IYD: variants seen among roughly 807,000 people sequenced by gnomAD.
IYD encodes the protein iodotyrosine deiodinase 1.
A neutral mutation model predicts 28.4 loss-of-function variants in IYD; 25 were observed. The observed-to-expected ratio is 0.88, with a 90% confidence interval of 0.64 to 1.23. IYD has a LOEUF of 1.23. Among genes scored for constraint, IYD ranks in the 50% most tolerant of loss-of-function variants. The probability of loss-of-function intolerance (pLI) is 0.00; values close to 1 mark genes in which losing one functional copy is unlikely to be tolerated. For synonymous variants in IYD, 140 were observed against 130.8 expected (o/e 1.07, Z -0.48); for missense variants, 352 against 357.9 (o/e 0.98, Z 0.13).
chr6:150,370,443 G>A (rs1777199996), intron 1 of IYD: 2 of 969,908 alleles, frequency 2.1e-6, no homozygotes, highest in East Asian at 1.1e-4. Context: ...GTGAGAGAGT[G>A]TGTGCATGAG....
In IYD at chr6:150,394,086, T is replaced by C. The variant is rs771009161; in HGVS notation, c.531-13T>C. On this transcript the variant is annotated splice_polypyrimidine_tract_variant and intron_variant, in intron 3 of 4. Transcript: ENST00000344419. ...TGGGCAAATATTATCCTGAATCTCT[T>C]TTCTCTTCACAGAACCAACTGGATT... The C allele has an allele frequency of 1.2e-6, 2 of 1,613,594 alleles. No homozygotes were observed. The highest frequency in any genetic ancestry group is 1.7e-6 in the Non-Finnish European group (2 of 1,179,708).
chr6:150,385,594 T>C (rs903555776), intron 1 of IYD, among the ~76,000 whole-genome samples: 5 of 152,148 alleles, frequency 3.3e-5, no homozygotes, highest in African/African-American at 1.2e-4. Flanking sequence ...TGCTGAATTC[T>C]GTTATTAATA....
At position 150,405,300 on chromosome 6, in the gene IYD, C is replaced by T. The variant is rs538270357; in HGVS notation, c.*7063C>T. The T allele has an allele frequency of 6.6e-6, 1 of 152,326 alleles. No individual in the cohort carries two copies. The highest frequency in any genetic ancestry group is 1.5e-5 in the Non-Finnish European group (1 of 68,050). The allele number at this position is 152,326 out of a possible 1,614,324, so 9.4% of individuals were successfully genotyped here. On this transcript the variant is annotated 3_prime_UTR_variant, in exon 5 of 5. Coordinates refer to ENST00000344419, the MANE Select transcript of IYD (RefSeq NM_203395.3). The stretch of plus-strand genomic sequence containing the variant: ...CTCCCAGCTGCTTTCTCTGTCCCTC[C>T]ACTTAGATGTTAGTAGGCACCACAA...
In IYD at chr6:150,389,523, A is replaced by C. The variant is rs367999187; in HGVS notation, c.350A>C (p.Asp117Ala). ...GAGCAAGTCCCAATGGAAGTCATTG[A>C]TAATGTCATCAGAACGGCAGGTTTG... ...SNEQVPMEVI[D>A]NVIRTAGTAP... is the part of the protein sequence containing the mutation. Residue 117 changes from aspartate (D) to alanine (A), a missense_variant, in exon 2 of 5, where the codon GAT becomes GCT. Physicochemically the swap from Asp to Ala is moderately radical, Grantham distance 126. Transcript: ENST00000344419. 1.9e-6 allele frequency: 3 copies of C among 1,613,980 alleles called. No homozygotes were observed. Among genetic ancestry groups the C allele is most frequent in the Admixed American group, 1.7e-5 (1 of 60,008 alleles).
At chr6:150,369,529 G>A (rs1207808642) in intron 1 of IYD, among the ~76,000 whole-genome samples, 2 of 152,176 alleles carry the variant, frequency 1.3e-5, no homozygotes, top group East Asian at 3.8e-4. Context: ...CTGGCAGTGG[G>A]CAGGGACTAA....
chr6:150,373,349 T>C (rs1459537153), intron 1 of IYD, among the ~76,000 whole-genome samples: 2 of 152,182 alleles, frequency 1.3e-5, no homozygotes, highest in African/African-American at 4.8e-5. Flanking sequence ...CAGAATAAAC[T>C]TGGCAAGCTA....
At position 150,404,948 on chromosome 6, in the gene IYD, G is replaced by C. The variant is rs1001376675; in HGVS notation, c.*6711G>C. ...CTCTTGGTCTTTCTTCATAACCACCGGATGCTGTTATAGCTTCACCAATCA... is the reference window on the plus strand; with the variant it reads ...CTCTTGGTCTTTCTTCATAACCACCCGATGCTGTTATAGCTTCACCAATCA... On this transcript the variant is annotated 3_prime_UTR_variant, in exon 5 of 5. Coordinates refer to ENST00000344419, the MANE Select transcript of IYD (RefSeq NM_203395.3). The C allele has an allele frequency of 6.6e-6, 1 of 152,116 alleles. No individual in the cohort carries two copies. The highest frequency in any genetic ancestry group is 1.5e-5 in the Non-Finnish European group (1 of 68,038). 9.4% of individuals were successfully genotyped at this position (152,116 alleles called of 1,614,324 possible).
chr6:150,376,217 A>C (rs944925085), intron 1 of IYD, among the ~76,000 whole-genome samples: 3 of 152,212 alleles, frequency 2.0e-5, no homozygotes, highest in Admixed American at 6.5e-5. Context: ...CCTGCTAGCG[A>C]AATATGAAAA....
At chr6:150,391,606 C>T (rs923082314) in intron 2 of IYD, among the ~76,000 whole-genome samples, 3 of 152,204 alleles carry the variant, frequency 2.0e-5, no homozygotes, top group African/African-American at 7.2e-5. Flanking sequence ...ATCAGTTGGC[C>T]TGACGCTGAA....
At chr6:150,383,908 T>C (rs550844115) in intron 1 of IYD, among the ~76,000 whole-genome samples, 1 of 151,486 alleles carries the variant, frequency 6.6e-6, no homozygotes, top group Non-Finnish European at 1.5e-5. Flanking sequence ...AAGTAACAAG[T>C]TATTTTCTTC....
chr6:150,376,837 G>A (rs909347063), intron 1 of IYD, among the ~76,000 whole-genome samples: 8 of 152,028 alleles, frequency 5.3e-5, no homozygotes, highest in African/African-American at 1.4e-4. Context: ...GCCCAGGCTG[G>A]TCTCGAACTC....
At chr6:150,377,226 C>T (rs1487107157) in intron 1 of IYD, among the ~76,000 whole-genome samples, 1 of 152,192 alleles carries the variant, frequency 6.6e-6, no homozygotes, top group Non-Finnish European at 1.5e-5. Context: ...ATTTGCTTTG[C>T]ACTGTGTGGA....
intron 1 of IYD, among the ~76,000 whole-genome samples, chr6:150,382,354 A>G (rs1338064036): frequency 1.3e-5 from 2 of 152,094 alleles, no homozygotes; most frequent in African/African-American, 4.8e-5. Flanking sequence ...TTTGATCCCA[A>G]AGCTACTTCC....
At chr6:150,395,494 C>T (rs1202439426) in intron 4 of IYD, 4 of 1,537,188 alleles carry the variant, frequency 2.6e-6, no homozygotes, top group Admixed American at 3.9e-5. Flanking sequence ...GACTGCGAGG[C>T]ACCGCCACCT....
intron 1 of IYD, among the ~76,000 whole-genome samples, chr6:150,381,015 A>G (rs1210987154): frequency 1.3e-5 from 2 of 152,264 alleles, no homozygotes; most frequent in South Asian, 4.1e-4. Flanking sequence ...ACAATTTTAC[A>G]CTGTCTTCTT....
At chr6:150,369,331 T>A in intron 1 of IYD, 122 bp downstream of exon 1, 1 of 916,980 alleles carries the variant, frequency 1.1e-6, no homozygotes, top group Non-Finnish European at 1.7e-6. Flanking sequence ...CATCAACCTC[T>A]ATTGTGCTAA....
chr6:150,378,393 C>T (rs990679193), intron 1 of IYD, among the ~76,000 whole-genome samples: 1 of 151,808 alleles, frequency 6.6e-6, no homozygotes, highest in Non-Finnish European at 1.5e-5. Flanking sequence ...TGTGTTCTCA[C>T]TGTTCAATTC....
At chr6:150,397,909 C>T in intron 4 of IYD, 146 bp from the exon 5 acceptor site, 1 of 783,734 alleles carries the variant, frequency 1.3e-6, no homozygotes, top group African/African-American at 1.7e-5. Context: ...GATGCCATTA[C>T]TTGAGCTGGC....
chr6:150,399,424 T>G lies in IYD; in HGVS notation c.*1187T>G, dbSNP rs1443827942. 3 of 152,266 alleles carry G rather than the reference T, an allele frequency of 2.0e-5. No individual in the cohort carries two copies. The highest frequency in any genetic ancestry group is 6.5e-5 in the Admixed American group (1 of 15,282). The allele number at this position is 152,266 out of a possible 1,614,324, so 9.4% of individuals were successfully genotyped here. On this transcript the variant is annotated 3_prime_UTR_variant, in exon 5 of 5. Coordinates refer to ENST00000344419, the MANE Select transcript of IYD (RefSeq NM_203395.3). ...TGACAGCACAGCTGTTTGGGACTGA[T>G]AGGGTCACAGTTGCCAGGTTGGGAA...
Sources: gnomAD v4.1 joint callset for allele counts (sites outside exome capture counted in the v4.1 genomes callset) on GRCh38, gnomAD v4.1.1 for gene constraint, MANE v1.5 for transcripts, NCBI Gene and HGNC (gene_info 2026-07-23, HGNC 2026-07-21) for gene names.